Variants in RAB27B observed in about 807,000 individuals in gnomAD.
RAB27B encodes the protein ras-related protein Rab-27B.
In RAB27B, 15 loss-of-function variants were observed where a neutral mutation model predicts 24.6. The observed-to-expected ratio is 0.61, with a 90% CI of 0.41 to 0.94. The LOEUF (loss-of-function observed/expected upper bound fraction) is 0.94. Ranked by LOEUF, RAB27B falls within the 40% of genes least tolerant of loss-of-function variation. RAB27B has a pLI of 0.00. For missense variants in RAB27B, 261 were observed against 266.8 expected (o/e 0.98, Z 0.15); for synonymous variants, 105 against 92.5 (o/e 1.14, Z -0.78).
chr18:54,822,500 C>T (rs993041500), intron 2 of RAB27B, among the ~76,000 whole-genome samples: 1 of 152,152 alleles, frequency 6.6e-6, no homozygotes, highest in Admixed American at 6.5e-5. Flanking sequence ...TTTTATTTTG[C>T]ACCTCACCGT....
chr18:54,849,235 C>A (rs111329573), intron 1 of RAB27B, among the ~76,000 whole-genome samples: 1 of 152,194 alleles, frequency 6.6e-6, no homozygotes, highest in African/African-American at 2.4e-5. Context: ...GGTGACCACT[C>A]CCACACCGAC....
chr18:54,782,459 C>T (rs141577154), intron 2 of RAB27B, among the ~76,000 whole-genome samples: 17 of 152,172 alleles, frequency 1.1e-4, no homozygotes, highest in African/African-American at 4.1e-4. Context: ...GCAGCAATAA[C>T]TTAGTGCATT....
intron 2 of RAB27B, among the ~76,000 whole-genome samples, chr18:54,778,841 G>A (rs1288623722): frequency 6.7e-6 from 1 of 149,362 alleles, no homozygotes; most frequent in Non-Finnish European, 1.5e-5. Flanking sequence ...ATACAGTTAA[G>A]TCCTTTTTTT....
At chr18:54,792,454 G>A (rs1280792685) in intron 2 of RAB27B, among the ~76,000 whole-genome samples, 3 of 151,884 alleles carry the variant, frequency 2.0e-5, no homozygotes, top group Non-Finnish European at 4.4e-5. Context: ...CTCTCTACAT[G>A]GTCAAATAAA....
chr18:54,739,523 C>A (rs4801031), intron 2 of RAB27B, among the ~76,000 whole-genome samples: 110,927 of 145,162 alleles, frequency 0.76, 42,641 homozygotes, highest in Middle Eastern at 0.88. Flanking sequence ...GTTGATGTAC[C>A]CTTAAATTCT....
At chr18:54,762,505 G>A (rs962134976) in intron 2 of RAB27B, among the ~76,000 whole-genome samples, 11 of 152,166 alleles carry the variant, frequency 7.2e-5, no homozygotes, top group South Asian at 4.1e-4. Flanking sequence ...TCCTACTCCC[G>A]CTCTTGTTCA....
chr18:54,824,766 G>A (rs549112692), upstream of RAB27B, among the ~76,000 whole-genome samples: 8 of 152,102 alleles, frequency 5.3e-5, no homozygotes, highest in Non-Finnish European at 8.8e-5. Flanking sequence ...GGCACTTCCC[G>A]CTATCTACTG....
At chr18:54,867,442 C>CTTTTTT (rs548288719) in intron 1 of RAB27B, among the ~76,000 whole-genome samples, 2,069 of 98,490 alleles carry the variant, frequency 0.021, 2 homozygotes, top group Non-Finnish European at 0.031. Context: ...CTTTTCTTTT[C>CTTTTTT]TTTTTTTTTT....
chr18:54,767,016 G>C (rs926059644), intron 2 of RAB27B, among the ~76,000 whole-genome samples: 2 of 152,112 alleles, frequency 1.3e-5, no homozygotes, highest in Non-Finnish European at 2.9e-5. Flanking sequence ...AACTTTTGAG[G>C]ACCATCCAAT....
Position 54,755,332 on chromosome 18 carries a change from G to A in RAB27B, c.-20+37191G>A, listed in dbSNP as rs571598538. On this transcript the variant is annotated intron_variant, in intron 2 of 4. Coordinates refer to the RAB27B transcript ENST00000586570. ...TTGGACCTGGGAGGCAGAGGTTGCA[G>A]TGAGCTGAGATCGCACCAGTGCACT... Among the ~76,000 whole-genome samples, 43 of 152,322 alleles carry A rather than the reference G, an allele frequency of 2.8e-4. No homozygotes were observed. In the South Asian group the frequency reaches 7.5e-3, roughly 26 times the overall value.
chr18:54,741,010 A>G (rs1598870916), intron 2 of RAB27B, among the ~76,000 whole-genome samples: 1 of 152,332 alleles, frequency 6.6e-6, no homozygotes, highest in African/African-American at 2.4e-5. Flanking sequence ...ATAATCTAAT[A>G]ACCTACTTTC....
intron 2 of RAB27B, among the ~76,000 whole-genome samples, chr18:54,779,880 C>T (rs1380991566): frequency 6.6e-6 from 1 of 152,112 alleles, no homozygotes; most frequent in East Asian, 1.9e-4. Context: ...TTGGCTGTCC[C>T]CTCTCCTGAC....
At chr18:54,845,231 A>G (rs1598953393) in intron 1 of RAB27B, among the ~76,000 whole-genome samples, 1 of 151,732 alleles carries the variant, frequency 6.6e-6, no homozygotes, top group South Asian at 2.1e-4. Context: ...ACATGGTGAA[A>G]CCCCGTGTCT....
intron 1 of RAB27B, among the ~76,000 whole-genome samples, chr18:54,854,952 T>C (rs746574171): frequency 7.9e-5 from 12 of 152,234 alleles, no homozygotes; most frequent in Non-Finnish European, 1.5e-4. Context: ...ATGCATTACA[T>C]TTGTTGTACA....
chr18:54,738,136 A>G (rs1233421391), intron 2 of RAB27B, among the ~76,000 whole-genome samples: 1 of 152,202 alleles, frequency 6.6e-6, no homozygotes, highest in Admixed American at 6.5e-5. Context: ...TTAGATGACT[A>G]ACCACTGAGT....
At chr18:54,845,054 G>A (rs141169752) in intron 1 of RAB27B, among the ~76,000 whole-genome samples, 298 of 152,194 alleles carry the variant, frequency 2.0e-3, no homozygotes, top group Non-Finnish European at 3.7e-3. Flanking sequence ...TCTCTAAGAC[G>A]TATTAGCATC....
chr18:54,851,880 A>G (rs1040920079), intron 1 of RAB27B, among the ~76,000 whole-genome samples: 2 of 152,190 alleles, frequency 1.3e-5, no homozygotes, highest in African/African-American at 4.8e-5. Flanking sequence ...AATGAGTTCA[A>G]TGACAAATCT....
rs535160274 is a variant in RAB27B at position 54,747,337 on chromosome 18, G to A, written c.-20+29196G>A. ...TAGAAGAATACTAGTTAATATAATA[G>A]TGATTGTTAATATCTATGGCCTACT... On this transcript the variant is annotated intron_variant, in intron 2 of 4. Transcript: ENST00000586570. Among the ~76,000 whole-genome samples, 45 of 152,278 alleles carry A rather than the reference G, an allele frequency of 3.0e-4. 1 individual carries two copies. Among genetic ancestry groups the A allele is most frequent in the African/African-American group, 1.0e-3 (43 of 41,556 alleles).
chr18:54,859,410 T>TTTA (rs1253854239), intron 1 of RAB27B, among the ~76,000 whole-genome samples: 1 of 152,140 alleles, frequency 6.6e-6, no homozygotes, highest in Admixed American at 6.5e-5. Context: ...TAGCAACCTT[T>TTTA]TTATAAGTGT....
Sources: allele counts gnomAD v4.1 joint callset (sites outside exome capture counted in the v4.1 genomes callset), GRCh38; gene constraint gnomAD v4.1.1; transcripts MANE v1.5; gene names NCBI Gene and HGNC (gene_info 2026-07-23, HGNC 2026-07-21).